Variants in RPS6KA3 observed in about 807,000 individuals in gnomAD.
RPS6KA3 encodes the protein ribosomal protein S6 kinase alpha-3.
A neutral mutation model predicts 67.2 loss-of-function variants in RPS6KA3; 4 were observed. That is an observed-to-expected ratio of 0.06 (90% CI 0.03 to 0.14). The LOEUF is 0.14. RPS6KA3 is among the 10% of genes least tolerant of loss of function. The pLI, the probability that RPS6KA3 is intolerant of heterozygous loss-of-function variation, is 1.00. For missense variants in RPS6KA3, 204 were observed against 559.0 expected, an observed-to-expected ratio of 0.36 and a Z score of 6.40; for synonymous variants, 182 against 183.7, an observed-to-expected ratio of 0.99 and a Z score of 0.07.
chrX:20,239,523 A>AT (rs1174230075), intron 1 of RPS6KA3, among the ~76,000 whole-genome samples: 4 of 111,619 alleles, frequency 3.6e-5, no homozygotes, highest in South Asian at 3.6e-4. Flanking sequence ...TCCCACCATA[A>AT]TGCCTTCCAG....
intron 20 of RPS6KA3, among the ~76,000 whole-genome samples, chrX:20,161,128 G>A (rs1046671316): frequency 2.7e-5 from 3 of 111,650 alleles, no homozygotes; most frequent in African/African-American, 6.5e-5. Context: ...TGAAAAAACC[G>A]AAACCCCTTT....
At chrX:20,175,584 C>A (rs1482347778) in intron 13 of RPS6KA3, among the ~76,000 whole-genome samples, 1 of 111,893 alleles carries the variant, frequency 8.9e-6, no homozygotes, top group Non-Finnish European at 1.9e-5. Context: ...AATGCTGTCC[C>A]ATGGAATTTC....
chrX:20,255,877 G>A (rs192585005), intron 1 of RPS6KA3, among the ~76,000 whole-genome samples: 2 of 102,085 alleles, frequency 2.0e-5, no homozygotes, highest in Admixed American at 2.2e-4. Context: ...GGGAGGCAAA[G>A]GCAGATGGAT....
At chrX:20,266,929 C>G, upstream of RPS6KA3, 8 of 686,875 alleles carry the variant, frequency 1.2e-5, no homozygotes, top group Non-Finnish European at 1.4e-5. Flanking sequence ...CCTTCCGCCG[C>G]CGGGACTACG....
intron 4 of RPS6KA3, chrX:20,203,770 C>T (rs181537515): frequency 4.2e-5 from 13 of 306,091 alleles, no homozygotes; most frequent in African/African-American, 3.2e-4. Flanking sequence ...TTTTAATCTT[C>T]TAAATGTTTA....
At chrX:20,179,446 C>T (rs953766221) in intron 10 of RPS6KA3, among the ~76,000 whole-genome samples, 6 of 110,842 alleles carry the variant, frequency 5.4e-5, no homozygotes, top group African/African-American at 9.8e-5. Context: ...ATATCATAGA[C>T]GGATCCTGGG....
At chrX:20,185,301 T>C (rs756083383) in intron 10 of RPS6KA3, among the ~76,000 whole-genome samples, 6 of 112,164 alleles carry the variant, frequency 5.3e-5, no homozygotes, top group Non-Finnish European at 1.1e-4. Flanking sequence ...TTTTGTTTAT[T>C]GACCTTGTAT....
At chrX:20,171,830 T>C (rs1349887961) in intron 15 of RPS6KA3, among the ~76,000 whole-genome samples, 1 of 112,362 alleles carries the variant, frequency 8.9e-6, no homozygotes, top group African/African-American at 3.2e-5. Flanking sequence ...CTATGTATCT[T>C]AGATTTCAGT....
chrX:20,229,845 T>C (rs1340025916), intron 2 of RPS6KA3, among the ~76,000 whole-genome samples: 2 of 112,103 alleles, frequency 1.8e-5, no homozygotes, highest in African/African-American at 6.5e-5. Flanking sequence ...TTGCTGGTAG[T>C]ATCTTAGTCC....
At chrX:20,204,758 G>C (rs2148723345) in intron 3 of RPS6KA3, among the ~76,000 whole-genome samples, 1 of 111,235 alleles carries the variant, frequency 9.0e-6, no homozygotes, top group African/African-American at 3.3e-5. Context: ...AAATTAGCCA[G>C]ATGTGGTAGC....
chrX:20,183,270 T>G (rs925093079), intron 10 of RPS6KA3, among the ~76,000 whole-genome samples: 5 of 110,906 alleles, frequency 4.5e-5, no homozygotes, highest in African/African-American at 1.6e-4. Flanking sequence ...TGCAGTGGCA[T>G]GATCATGGCT....
At chrX:20,241,624 G>C (rs1304961272) in intron 1 of RPS6KA3, 3 of 108,130 alleles carry the variant, frequency 2.8e-5, no homozygotes. Context: ...GTTCAACAGA[G>C]ATCATCAACA....
At chrX:20,242,264 A>G (rs930409782) in intron 1 of RPS6KA3, among the ~76,000 whole-genome samples, 1 of 111,770 alleles carries the variant, frequency 8.9e-6, no homozygotes, top group African/African-American at 3.2e-5. Flanking sequence ...TTTTAAAACC[A>G]TTAGTTTTAG....
chrX:20,229,473 G>A (rs1000229370), intron 2 of RPS6KA3, among the ~76,000 whole-genome samples: 10 of 111,762 alleles, frequency 8.9e-5, no homozygotes, highest in African/African-American at 3.3e-4. Flanking sequence ...TTAATTTCAA[G>A]TCTGAGAGAG....
At chrX:20,250,033 C>T (rs2069819253) in intron 1 of RPS6KA3, among the ~76,000 whole-genome samples, 1 of 112,410 alleles carries the variant, frequency 8.9e-6, no homozygotes, top group Non-Finnish European at 1.9e-5. Context: ...TATCAAACTG[C>T]TTTTGTAACT....
At chrX:20,176,166 CAG>C (rs1319998190) in intron 13 of RPS6KA3, 82 bp downstream of exon 13, 1 of 661,879 alleles carries the variant, frequency 1.5e-6, no homozygotes. Flanking sequence ...CCACCGCGCC[CAG>C]AGTCTGGAAA....
At chrX:20,195,374 A>G (rs1878282990) in intron 4 of RPS6KA3, among the ~76,000 whole-genome samples, 1 of 112,254 alleles carries the variant, frequency 8.9e-6, no homozygotes, top group African/African-American at 3.2e-5. Flanking sequence ...TGGAAAAAAT[A>G]TAGAGAAAAT....
intron 4 of RPS6KA3, among the ~76,000 whole-genome samples, chrX:20,199,316 G>C (rs994141064): frequency 8.0e-5 from 9 of 112,109 alleles, no homozygotes; most frequent in Non-Finnish European, 1.1e-4. Context: ...TTGAAGCAGG[G>C]AGAAGGGTAC....
chrX:20,169,149 G>C (rs773537186), intron 16 of RPS6KA3, among the ~76,000 whole-genome samples: 9 of 111,437 alleles, frequency 8.1e-5, no homozygotes, highest in Non-Finnish European at 1.5e-4. Context: ...CACTGTGCTC[G>C]GCCTGGCTAA....
Sources: gnomAD v4.1 joint callset for allele counts (sites outside exome capture counted in the v4.1 genomes callset) on GRCh38, gnomAD v4.1.1 for gene constraint, MANE v1.5 for transcripts, NCBI Gene and HGNC (gene_info 2026-07-23, HGNC 2026-07-21) for gene names.